The following PDE1C variants were observed in gnomAD, a reference collection of about 807,000 sequenced individuals.
PDE1C encodes dual specificity calcium/calmodulin-dependent 3',5'-cyclic nucleotide phosphodiesterase 1C.
Under a neutral mutation model 93.1 loss-of-function variants are expected in PDE1C, and 62 were observed. The observed-to-expected ratio is 0.67, with a 90% CI of 0.54 to 0.82. The LOEUF (loss-of-function observed/expected upper bound fraction) is 0.82. Ranked by LOEUF, PDE1C falls within the 40% of genes least tolerant of loss-of-function variation. The probability of loss-of-function intolerance (pLI) is 0.00; values close to 1 mark genes in which losing one functional copy is unlikely to be tolerated. For missense variants in PDE1C, 742 were observed against 884.6 expected (o/e 0.84, Z 2.04); for synonymous variants, 325 against 310.1 (o/e 1.05, Z -0.50).
chr7:31,900,612 A>C (rs914249473), intron 2 of PDE1C, among the ~76,000 whole-genome samples: 3 of 151,806 alleles, frequency 2.0e-5, no homozygotes, highest in African/African-American at 7.2e-5. Context: ...ATCCCATATA[A>C]TATTTATGTG....
chr7:32,056,651 T>TGC (rs1794152902), intron 1 of PDE1C, among the ~76,000 whole-genome samples: 1 of 152,188 alleles, frequency 6.6e-6, no homozygotes, highest in Admixed American at 6.5e-5. Flanking sequence ...GCATTTAGCA[T>TGC]AGTGCTGGGC....
At chr7:31,805,380 T>C (rs1786692918) in intron 16 of PDE1C, among the ~76,000 whole-genome samples, 2 of 151,886 alleles carry the variant, frequency 1.3e-5, no homozygotes, top group Admixed American at 6.6e-5. Context: ...CTATGGGTAA[T>C]TAAAACCACA....
chr7:32,201,581 C>T (rs1403063377), intron 2 of PDE1C, among the ~76,000 whole-genome samples: 1 of 152,064 alleles, frequency 6.6e-6, no homozygotes. Flanking sequence ...TCCATCAAAG[C>T]AAGAGAGATA....
At chr7:32,253,563 G>T (rs17161083) in intron 1 of PDE1C, among the ~76,000 whole-genome samples, 1 of 152,122 alleles carries the variant, frequency 6.6e-6, no homozygotes, top group Non-Finnish European at 1.5e-5. Context: ...ATTTCCAAAG[G>T]GTCCTGATTA....
At position 32,179,517 on chromosome 7, in the gene PDE1C, C is replaced by T. The variant is rs889607004; in HGVS notation, c.137-9561G>A. 1.4e-4 allele frequency among the ~76,000 whole-genome samples: 21 copies of T among 152,254 alleles called. No homozygotes were observed. The South Asian group carries it at 3.7e-3, about 27-fold the overall frequency. On this transcript the variant is annotated intron_variant, in intron 2 of 18. Coordinates refer to the PDE1C transcript ENST00000396193. ...CTCGTGATCCGCCTGCCTCGGCCTA[C>T]CAAAGTGCTGGCATTACAGGCCTGA...
intron 3 of PDE1C, among the ~76,000 whole-genome samples, chr7:32,086,469 A>G (rs550318486): frequency 6.6e-6 from 1 of 152,322 alleles, no homozygotes; most frequent in Non-Finnish European, 1.5e-5. Flanking sequence ...TCATCAAGCT[A>G]CCAATGACTT....
In PDE1C at chr7:31,902,819, A is replaced by C. The variant is rs1025334020; in HGVS notation, c.129-21959T>G. 6.6e-5 allele frequency among the ~76,000 whole-genome samples: 10 copies of C among 151,354 alleles called. 1 individual carries two copies. In the South Asian group the frequency reaches 1.0e-3, roughly 16 times the overall value. Reference sequence around the variant, plus strand: ...TTATAATATTGATATACTATTTATAATATCGATTAACATTAAAAAGTTCAT... The same window carrying C: ...TTATAATATTGATATACTATTTATACTATCGATTAACATTAAAAAGTTCAT... On this transcript the variant is annotated intron_variant, in intron 2 of 17. Coordinates refer to ENST00000396191, the MANE Select transcript of PDE1C (RefSeq NM_001191057.4).
chr7:32,162,181 G>A (rs1248863242), intron 3 of PDE1C, among the ~76,000 whole-genome samples: 1 of 152,144 alleles, frequency 6.6e-6, no homozygotes, highest in Admixed American at 6.5e-5. Flanking sequence ...TCCCCTGTAA[G>A]GCAATAAAAG....
At chr7:32,254,229 T>TA (rs1809613754) in intron 1 of PDE1C, among the ~76,000 whole-genome samples, 1 of 152,206 alleles carries the variant, frequency 6.6e-6, no homozygotes, top group South Asian at 2.1e-4. Context: ...CCTCCATGGA[T>TA]ACCTCTAGAA....
intron 2 of PDE1C, among the ~76,000 whole-genome samples, chr7:32,021,906 T>C (rs1788729943): frequency 6.6e-6 from 1 of 152,148 alleles, no homozygotes; most frequent in African/African-American, 2.4e-5. Flanking sequence ...AAAATTTCTC[T>C]AAAATTTTTG....
At chr7:31,639,929 C>T in the PDE1C span, among the ~76,000 whole-genome samples, 1 of 152,134 alleles carries the variant, frequency 6.6e-6, no homozygotes, top group Non-Finnish European at 1.5e-5. Flanking sequence ...TGATTTTTCT[C>T]CTCATAATGG....
At chr7:31,893,122 T>G (rs1232434259) in intron 2 of PDE1C, among the ~76,000 whole-genome samples, 1 of 152,178 alleles carries the variant, frequency 6.6e-6, no homozygotes, top group Non-Finnish European at 1.5e-5. Context: ...AATCTAGAGC[T>G]AGCTATGGAC....
At chr7:32,379,844 A>G (rs777296520) in intron 1 of PDE1C, among the ~76,000 whole-genome samples, 2 of 152,186 alleles carry the variant, frequency 1.3e-5, no homozygotes, top group Non-Finnish European at 2.9e-5. Flanking sequence ...GTCTTTCTGT[A>G]TTCTCTGCAG....
intron 2 of PDE1C, among the ~76,000 whole-genome samples, chr7:31,926,539 C>T (rs1030054851): frequency 6.6e-6 from 1 of 152,214 alleles, no homozygotes; most frequent in African/African-American, 2.4e-5. Flanking sequence ...CAGCTCCCAG[C>T]AAGACCAAGG....
At chr7:31,893,038 T>G (rs945209465) in intron 2 of PDE1C, among the ~76,000 whole-genome samples, 1 of 152,098 alleles carries the variant, frequency 6.6e-6, no homozygotes, top group Non-Finnish European at 1.5e-5. Context: ...TATATACAAT[T>G]ATTGTCAGCT....
chr7:31,650,089 C>T, the PDE1C span, among the ~76,000 whole-genome samples: 16 of 152,200 alleles, frequency 1.1e-4, no homozygotes, highest in African/African-American at 3.1e-4. Context: ...TCCTAGAGAC[C>T]GGGGACAGAG....
chr7:32,385,280 G>C (rs182858518), intron 1 of PDE1C, among the ~76,000 whole-genome samples: 1 of 152,314 alleles, frequency 6.6e-6, no homozygotes, highest in Admixed American at 6.5e-5. Flanking sequence ...ATATAGATCT[G>C]AGTTTCAGAA....
At chr7:32,015,851 T>C (rs917194277) in intron 2 of PDE1C, among the ~76,000 whole-genome samples, 2 of 152,290 alleles carry the variant, frequency 1.3e-5, no homozygotes, top group East Asian at 1.9e-4. Flanking sequence ...CATTGATACA[T>C]GTTCAATCTC....
intron 3 of PDE1C, among the ~76,000 whole-genome samples, chr7:32,093,723 CA>C (rs1361033839): frequency 6.6e-6 from 1 of 152,174 alleles, no homozygotes; most frequent in Non-Finnish European, 1.5e-5. Context: ...AAACTAGTTG[CA>C]AAAAATAAGC....
Sources: allele counts gnomAD v4.1 joint callset (sites outside exome capture counted in the v4.1 genomes callset), GRCh38; gene constraint gnomAD v4.1.1; transcripts MANE v1.5; gene names NCBI Gene and HGNC (gene_info 2026-07-23, HGNC 2026-07-21).